The following CXCL13 variants were observed in gnomAD, a reference collection of about 807,000 sequenced individuals.
CXCL13 encodes C-X-C motif chemokine ligand 13, also known as C-X-C motif chemokine 13.
Under a neutral mutation model 12.2 loss-of-function variants are expected in CXCL13, and 7 were observed. The ratio of observed to expected loss-of-function variants is 0.57; its 90% CI spans 0.33 to 1.07. CXCL13 has a LOEUF of 1.07. Among genes scored for constraint, CXCL13 ranks in the 50% least tolerant of loss-of-function variants. The probability of loss-of-function intolerance (pLI) is 0.04; values close to 1 mark genes in which losing one functional copy is unlikely to be tolerated. For missense variants in CXCL13, 113 were observed against 127.4 expected (o/e 0.89, Z 0.55); for synonymous variants, 47 against 42.4 (o/e 1.11, Z -0.42).
chr4:77,514,203 C>T (rs1159934148), intron 1 of CXCL13, among the ~76,000 whole-genome samples: 13 of 150,106 alleles, frequency 8.7e-5, no homozygotes, highest in East Asian at 2.0e-4. Flanking sequence ...TCCAGTCTGT[C>T]ATTGTTGGAC....
chr4:77,511,874 G>C (rs1724282119), intron 1 of CXCL13: 1 of 152,084 alleles, frequency 6.6e-6, no homozygotes, highest in Non-Finnish European at 1.5e-5. Context: ...TTTTGAACTG[G>C]GGCAGCCCTC....
chr4:77,608,451 A>G (rs201722728), intron 2 of CXCL13, among the ~76,000 whole-genome samples: 5 of 151,984 alleles, frequency 3.3e-5, no homozygotes, highest in South Asian at 2.1e-4. Context: ...AAAAAAAAAA[A>G]AAAGAAAGAA....
intron 1 of CXCL13, among the ~76,000 whole-genome samples, chr4:77,548,322 T>C (rs903968881): frequency 2.0e-5 from 3 of 152,346 alleles, no homozygotes; most frequent in Admixed American, 2.0e-4. Context: ...TTTACAAAAA[T>C]GACTGCAGTA....
chr4:77,607,904 A>C, intron 2 of CXCL13, 69 bp downstream of exon 2: 2 of 1,469,482 alleles, frequency 1.4e-6, no homozygotes, highest in Non-Finnish European at 9.4e-7. Context: ...GTTACCATAC[A>C]GTAGTCTTAC....
chr4:77,557,767 C>T (rs1020515710), intron 1 of CXCL13, among the ~76,000 whole-genome samples: 6 of 152,332 alleles, frequency 3.9e-5, no homozygotes, highest in African/African-American at 1.4e-4. Context: ...GAACTTCTTA[C>T]TGATGCTGGA....
chr4:77,602,075 C>T (rs1726890274), upstream of CXCL13, among the ~76,000 whole-genome samples: 1 of 152,204 alleles, frequency 6.6e-6, no homozygotes, highest in African/African-American at 2.4e-5. Flanking sequence ...ATCACAGTGA[C>T]ATTTGTCCTA....
At chr4:77,512,765 T>C (rs1724306787) in intron 1 of CXCL13, among the ~76,000 whole-genome samples, 1 of 152,194 alleles carries the variant, frequency 6.6e-6, no homozygotes, top group African/African-American at 2.4e-5. Flanking sequence ...AACATTACTT[T>C]AGTGTATATT....
intron 1 of CXCL13, among the ~76,000 whole-genome samples, chr4:77,517,695 G>A (rs1041502113): frequency 6.6e-6 from 1 of 152,110 alleles, no homozygotes; most frequent in Non-Finnish European, 1.5e-5. Context: ...TTGAGCCTAT[G>A]TGTGTCTCTG....
chr4:77,520,949 C>A (rs944534098), intron 1 of CXCL13, among the ~76,000 whole-genome samples: 1 of 152,124 alleles, frequency 6.6e-6, no homozygotes, highest in Non-Finnish European at 1.5e-5. Flanking sequence ...TTCTTGAAGG[C>A]CTTTTCTGCA....
rs190486457 is a variant in CXCL13 at position 77,550,669 on chromosome 4, G to T, written c.-43+38881G>T. Among the ~76,000 whole-genome samples, 28 of 152,288 alleles carry T rather than the reference G, an allele frequency of 1.8e-4. No homozygotes were observed. In the South Asian group the frequency reaches 5.6e-3, roughly 30 times the overall value. ...AAATGTTGAAGTTCACAATTTCTCC[G>T]TTAGTTTTCTGCCTTGATGATTTGT... On this transcript the variant is annotated intron_variant, in intron 1 of 4. Transcript: ENST00000286758.
intron 1 of CXCL13, among the ~76,000 whole-genome samples, chr4:77,527,903 A>G (rs1477677598): frequency 6.6e-6 from 1 of 152,066 alleles, no homozygotes; most frequent in Non-Finnish European, 1.5e-5. Context: ...AACATTAGGT[A>G]TATCTCCTAA....
intron 2 of CXCL13, 136 bp from the exon 3 acceptor site, chr4:77,610,478 C>A: frequency 1.5e-6 from 1 of 670,098 alleles, no homozygotes; most frequent in Non-Finnish European, 2.6e-6. Context: ...ATCACCTATT[C>A]CAGATCCCAA....
chr4:77,561,589 T>C (rs1407133496), intron 1 of CXCL13, among the ~76,000 whole-genome samples: 2 of 152,204 alleles, frequency 1.3e-5, no homozygotes, highest in Non-Finnish European at 2.9e-5. Flanking sequence ...TCGAAGACTA[T>C]CTTTCAGGCT....
chr4:77,553,852 G>A (rs1042403267), intron 1 of CXCL13, among the ~76,000 whole-genome samples: 1 of 152,004 alleles, frequency 6.6e-6, no homozygotes, highest in Non-Finnish European at 1.5e-5. Context: ...CAAATATGTA[G>A]GATAAACAAA....
intron 1 of CXCL13, among the ~76,000 whole-genome samples, chr4:77,512,417 G>A (rs12108424): frequency 2.9e-4 from 44 of 152,246 alleles, no homozygotes; most frequent in African/African-American, 9.9e-4. Flanking sequence ...TACTGAGTGG[G>A]TTGAATAATA....
rs570855089 is a variant in CXCL13, at chr4:77,562,326, G to T, written c.-42-43498G>T. On this transcript the variant is annotated intron_variant, in intron 1 of 4. Transcript: ENST00000286758. ...CGACTGCCCAAGGGCTGAGGAGTGC[G>T]GGCACAAGGCACGGGATTGGCAGGA... Among the ~76,000 whole-genome samples, 14 of 152,062 alleles carry T rather than the reference G, an allele frequency of 9.2e-5. No individual in the cohort carries two copies. The South Asian group carries it at 1.9e-3, about 20-fold the overall frequency.
At chr4:77,538,799 G>A (rs1203436419) in intron 1 of CXCL13, among the ~76,000 whole-genome samples, 1 of 152,178 alleles carries the variant, frequency 6.6e-6, no homozygotes, top group East Asian at 1.9e-4. Flanking sequence ...ACCAACAGCA[G>A]TGGTGTTGGT....
At chr4:77,591,631 GC>G (rs1726615195) in intron 1 of CXCL13, among the ~76,000 whole-genome samples, 1 of 150,310 alleles carries the variant, frequency 6.7e-6, no homozygotes, top group African/African-American at 2.5e-5. Context: ...AACAGACACA[GC>G]TTCTCTAGTC....
In CXCL13 at chr4:77,578,363, C is replaced by T. The variant is rs142441152; in HGVS notation, c.-42-27461C>T. Among the ~76,000 whole-genome samples, 62 of 152,310 alleles carry T rather than the reference C, an allele frequency of 4.1e-4. No individual in the cohort carries two copies. The East Asian group carries it at 0.011, about 27-fold the overall frequency. ...TCTGACTTCTGCCTTCCCAAAACAG[C>T]GCCCCCTGTCAGCAGGAAGCAGTTA... On this transcript the variant is annotated intron_variant, in intron 1 of 4. Transcript: ENST00000286758.
Sources: allele counts gnomAD v4.1 joint callset (sites outside exome capture counted in the v4.1 genomes callset), GRCh38; gene constraint gnomAD v4.1.1; transcripts MANE v1.5; gene names NCBI Gene and HGNC (gene_info 2026-07-23, HGNC 2026-07-21).